ARSG: variants seen among roughly 807,000 people sequenced by gnomAD.
ARSG encodes the protein arylsulfatase G, also known as ASG.
In ARSG, 37 loss-of-function variants were observed where a neutral mutation model predicts 50.5. The ratio of observed to expected loss-of-function variants is 0.73; its 90% confidence interval spans 0.56 to 0.96. The LOEUF (loss-of-function observed/expected upper bound fraction) is 0.96, where lower values mean the gene tolerates loss of function less well. Ranked by LOEUF, ARSG falls within the 50% of genes least tolerant of loss-of-function variation. ARSG has a pLI of 0.00. For missense variants in ARSG, 629 were observed against 675.3 expected, an observed-to-expected ratio of 0.93 and a Z score of 0.76; for synonymous variants, 225 against 254.6, an observed-to-expected ratio of 0.88 and a Z score of 1.11.
rs2080406540 is a variant in ARSG, at chr17:68,381,039, G to A, written c.983-4025G>A. ...ATTAAATTAGAATTCCTGGGAATAG[G>A]ACCCAGAAATCCATGTCTTAGATGA... On this transcript the variant is annotated intron_variant, in intron 8 of 11. Coordinates refer to ENST00000621439, the MANE Select transcript of ARSG (RefSeq NM_001267727.2). The surrounding 1 kb of genome is among the most constrained non-coding windows in gnomAD (Gnocchi z 4.1). Among the ~76,000 whole-genome samples the A allele has an allele frequency of 6.6e-6, 1 of 152,130 alleles. No individual in the cohort carries two copies. Among genetic ancestry groups the A allele is most frequent in the African/African-American group, 2.4e-5 (1 of 41,408 alleles).
chr17:68,379,655 GC>G (rs1187579911), intron 8 of ARSG, among the ~76,000 whole-genome samples: 1 of 152,010 alleles, frequency 6.6e-6, no homozygotes, highest in African/African-American at 2.4e-5. Flanking sequence ...AAATGCTAAT[GC>G]CTTTGTGGGC....
chr17:68,413,636 C>T lies in ARSG; in HGVS notation c.1304-6553C>T, dbSNP rs1349064157. ...GCAGGCCTCCTTGAGCTGTGGTGGGCTCCACCCAGTTCGAGCTTCCCGGCT... is the reference window on the plus strand; with the variant it reads ...GCAGGCCTCCTTGAGCTGTGGTGGGTTCCACCCAGTTCGAGCTTCCCGGCT... On this transcript the variant is annotated intron_variant, in intron 11 of 11. Coordinates refer to ENST00000621439, the MANE Select transcript of ARSG (RefSeq NM_001267727.2). The T allele has an allele frequency of 3.9e-5, 6 of 153,836 alleles. No individual in the cohort carries two copies. The East Asian group carries it at 1.1e-3, about 29-fold the overall frequency. The allele number at this position is 153,836 out of a possible 1,614,324, so 9.5% of individuals were successfully genotyped here.
chr17:68,374,439 T>C (rs779192485), intron 8 of ARSG, among the ~76,000 whole-genome samples: 11 of 152,188 alleles, frequency 7.2e-5, no homozygotes, highest in Non-Finnish European at 1.3e-4. Flanking sequence ...CCTACTGATC[T>C]CCTATCTGAG....
chr17:68,333,222 T>C (rs2077856033), intron 2 of ARSG, among the ~76,000 whole-genome samples: 1 of 152,172 alleles, frequency 6.6e-6, no homozygotes, highest in African/African-American at 2.4e-5. Flanking sequence ...CTCGAGAGGC[T>C]GAGGTAGGAG....
chr17:68,272,881 A>G, intron 1 of ARSG: 1 of 1,282,770 alleles, frequency 7.8e-7, no homozygotes, highest in Admixed American at 2.1e-5. Flanking sequence ...AAGTTCTAGG[A>G]GCCAAGTAAT....
chr17:68,341,308 A>C (rs1241017042), intron 2 of ARSG, among the ~76,000 whole-genome samples: 1 of 152,046 alleles, frequency 6.6e-6, no homozygotes, highest in African/African-American at 2.4e-5. Context: ...GTTTAATTCT[A>C]CTTTTTGGCC....
chr17:68,325,064 C>T (rs1568469333), intron 2 of ARSG, among the ~76,000 whole-genome samples: 1 of 152,172 alleles, frequency 6.6e-6, no homozygotes. Flanking sequence ...AACCCCCAGG[C>T]CACTGTACCA....
At position 68,407,875 on chromosome 17, in the gene ARSG, C is replaced by T. The variant is rs566053306; in HGVS notation, c.1303+6425C>T. On this transcript the variant is annotated intron_variant, in intron 11 of 11. Coordinates refer to ENST00000621439, the MANE Select transcript of ARSG (RefSeq NM_001267727.2). ...ATTTGAATGCCCTTTACTTCTTTCT[C>T]TTGTCTTGCTCTGGCTAGGACTTCC... Among the ~76,000 whole-genome samples the T allele has an allele frequency of 6.6e-5, 10 of 152,146 alleles. No individual in the cohort carries two copies. The East Asian group carries it at 1.9e-3, about 29-fold the overall frequency.
At chr17:68,428,424 G>A in the ARSG span, 1 of 179,540 alleles carries the variant, frequency 5.6e-6, no homozygotes, top group Non-Finnish European at 1.2e-5. Flanking sequence ...GTATAGATGG[G>A]GTTTCACCAT....
At chr17:68,290,768 C>T (rs116790626), upstream of ARSG, among the ~76,000 whole-genome samples, 1,673 of 152,282 alleles carry the variant, frequency 0.011, 27 homozygotes, top group African/African-American at 0.039. Context: ...TCCGACGTCC[C>T]GGAGCCCCCA....
chr17:68,310,036 C>T (rs889194411), intron 2 of ARSG, among the ~76,000 whole-genome samples: 6 of 150,870 alleles, frequency 4.0e-5, no homozygotes, highest in South Asian at 2.1e-4. Flanking sequence ...TGCAGTGGCA[C>T]GATCTCAGCT....
In ARSG at chr17:68,420,314, G is replaced by C. The variant is rs1240791118; in HGVS notation, c.1429G>C (p.Ala477Pro). The change falls in exon 12 of 12, where the codon GCT becomes CCT. Residue 477 changes from alanine (A) to proline (P), a missense_variant. Transcript: ENST00000621439. ...AGAAAGAGGTGGTGCGGAGTACCAG[G>C]CTGTGCTGCCCGAGGTCAGAAAGGT... ...PLERGGAEYQ[A>P]VLPEVRKVLA... 14 of 1,614,126 alleles carry C rather than the reference G, an allele frequency of 8.7e-6. No homozygotes were observed. The highest frequency in any genetic ancestry group is 3.3e-4 in the Middle Eastern group (2 of 6,062).
At chr17:68,384,997 C>A (rs954803312) in intron 8 of ARSG, 67 bp from the exon 9 acceptor site, 4 of 1,336,960 alleles carry the variant, frequency 3.0e-6, no homozygotes, top group African/African-American at 2.9e-5. Context: ...CAGAGACTAG[C>A]TCTTAGCTGA....
chr17:68,347,209 A>G (rs1281477911), intron 4 of ARSG, 37 bp downstream of exon 4: 2 of 1,599,710 alleles, frequency 1.3e-6, no homozygotes. Flanking sequence ...CCTGGGAAAC[A>G]GAAAATAAAG....
At chr17:68,377,426 T>G (rs541899380) in intron 8 of ARSG, among the ~76,000 whole-genome samples, 7 of 152,332 alleles carry the variant, frequency 4.6e-5, no homozygotes, top group East Asian at 1.9e-4. Flanking sequence ...AGTCTGAATC[T>G]TTCTACATCG....
chr17:68,388,298 G>A (rs1428253089), intron 9 of ARSG, among the ~76,000 whole-genome samples: 1 of 152,156 alleles, frequency 6.6e-6, no homozygotes, highest in East Asian at 1.9e-4. Flanking sequence ...TCGTTTTGGA[G>A]GACTGTCCTG....
chr17:68,270,587 ACTACAGACACAG>A (rs1555748149), intron 1 of ARSG, among the ~76,000 whole-genome samples: 2 of 150,760 alleles, frequency 1.3e-5, no homozygotes, highest in African/African-American at 4.9e-5. Context: ...GTCAATCTGG[ACTACAGACACAG>A]CTTCCAGTCC....
rs2081374130 is a variant in ARSG at position 68,399,204 on chromosome 17, T to C, written c.1213-2156T>C. 6.6e-6 allele frequency among the ~76,000 whole-genome samples: 1 copy of C among 152,274 alleles called. No individual in the cohort carries two copies. The highest frequency in any genetic ancestry group is 6.5e-5 in the Admixed American group (1 of 15,286). Reference sequence around the variant, plus strand: ...GAGTTTTAATGTCCAGAAAGAACGCTGATCACTTCTCTTAGGGAGGCCCCT... The same window carrying C: ...GAGTTTTAATGTCCAGAAAGAACGCCGATCACTTCTCTTAGGGAGGCCCCT... On this transcript the variant is annotated intron_variant, in intron 10 of 11. Coordinates refer to ENST00000621439, the MANE Select transcript of ARSG (RefSeq NM_001267727.2). This position sits in a 1 kb window ranked among gnomAD's most constrained non-coding sequence, Gnocchi z 4.6.
In ARSG at chr17:68,320,146, G is replaced by A. The variant is rs574458502; in HGVS notation, c.218+12435G>A. ...TACTAAAATGCAAAAGAAATTAGTC[G>A]GGCGTGATGGCGTGCGCCTGTAGTC... On this transcript the variant is annotated intron_variant, in intron 2 of 11. Transcript: ENST00000621439. Among the ~76,000 whole-genome samples, 12 of 152,286 alleles carry A rather than the reference G, an allele frequency of 7.9e-5. No homozygotes were observed. In the South Asian group the frequency reaches 8.3e-4, roughly 11 times the overall value.
Sources: allele counts gnomAD v4.1 joint callset (sites outside exome capture counted in the v4.1 genomes callset), GRCh38; gene constraint gnomAD v4.1.1; non-coding constraint Gnocchi (gnomAD v3.1); transcripts MANE v1.5; gene names NCBI Gene and HGNC (gene_info 2026-07-23, HGNC 2026-07-21).